The following RORA variants were observed in gnomAD, a reference collection of about 807,000 sequenced individuals.
The protein encoded by RORA is nuclear receptor ROR-alpha.
In RORA, 7 loss-of-function variants were observed where a neutral mutation model predicts 69.5. That is an observed-to-expected ratio of 0.10 (90% CI 0.06 to 0.19). RORA has a LOEUF of 0.19. RORA is among the 10% of genes least tolerant of loss of function. The pLI is 1.00. For missense variants in RORA, 457 were observed against 663.0 expected (o/e 0.69, Z 3.41); for synonymous variants, 261 against 240.8 (o/e 1.08, Z -0.78).
At chr15:60,937,137 G>T (rs781075089) in intron 1 of RORA, among the ~76,000 whole-genome samples, 1 of 152,104 alleles carries the variant, frequency 6.6e-6, no homozygotes, top group African/African-American at 2.4e-5. Context: ...TGAGGAAACC[G>T]AGGCATACAG....
intron 1 of RORA, among the ~76,000 whole-genome samples, chr15:60,826,651 A>AT (rs35007770): frequency 0.65 from 94,818 of 146,810 alleles, 30,502 homozygotes; most frequent in South Asian, 0.82. Flanking sequence ...TCTGAGTATG[A>AT]TTTTTTTTTT....
intron 1 of RORA, among the ~76,000 whole-genome samples, chr15:60,804,557 A>G (rs921849926): frequency 1.3e-5 from 2 of 152,186 alleles, no homozygotes; most frequent in African/African-American, 4.8e-5. Flanking sequence ...TGCTGAAATG[A>G]GCAAGTTCGT....
chr15:60,709,041 T>C (rs959381306), intron 1 of RORA, among the ~76,000 whole-genome samples: 1 of 152,200 alleles, frequency 6.6e-6, no homozygotes, highest in African/African-American at 2.4e-5. Context: ...CCCATGAGCA[T>C]GGGGAAAATC....
chr15:60,697,486 A>T (rs2070921774), intron 1 of RORA, among the ~76,000 whole-genome samples: 1 of 152,228 alleles, frequency 6.6e-6, no homozygotes, highest in Admixed American at 6.5e-5. Flanking sequence ...TTAAAAGTGA[A>T]CAAAACCTCA....
chr15:60,745,442 A>C (rs1157865839), intron 1 of RORA, among the ~76,000 whole-genome samples: 1 of 152,242 alleles, frequency 6.6e-6, no homozygotes, highest in Non-Finnish European at 1.5e-5. Flanking sequence ...TGCTGAGACC[A>C]AAAACTTGGC....
chr15:60,577,164 A>G (rs1217832607), intron 2 of RORA, among the ~76,000 whole-genome samples: 1 of 152,216 alleles, frequency 6.6e-6, no homozygotes, highest in Non-Finnish European at 1.5e-5. Flanking sequence ...TTGCTCTTGA[A>G]TTCATGTTTG....
At chr15:61,087,193 T>C (rs2078638516) in intron 1 of RORA, among the ~76,000 whole-genome samples, 1 of 152,130 alleles carries the variant, frequency 6.6e-6, no homozygotes, top group African/African-American at 2.4e-5. Flanking sequence ...AGTGAGCATA[T>C]GACTTGCTTA....
At chr15:61,080,743 C>T (rs184231234) in intron 1 of RORA, among the ~76,000 whole-genome samples, 197 of 152,240 alleles carry the variant, frequency 1.3e-3, no homozygotes, top group Non-Finnish European at 2.2e-3. Flanking sequence ...ATCATTGTTG[C>T]TAGATATGGG....
intron 1 of RORA, among the ~76,000 whole-genome samples, chr15:61,173,241 A>G (rs769380736): frequency 2.6e-5 from 4 of 152,190 alleles, no homozygotes; most frequent in Admixed American, 6.5e-5. Flanking sequence ...AACTTGCTCA[A>G]GATCTTGCAG....
intron 3 of RORA, among the ~76,000 whole-genome samples, chr15:60,516,051 A>T (rs1205989809): frequency 0.5 from 9,959 of 19,776 alleles, 2,203 homozygotes; most frequent in Middle Eastern, 0.76. Flanking sequence ...ATATATTTAT[A>T]TATATTTATA....
intron 1 of RORA, among the ~76,000 whole-genome samples, chr15:61,031,579 TG>T (rs983919990): frequency 3.3e-5 from 5 of 152,104 alleles, no homozygotes; most frequent in African/African-American, 1.2e-4. Context: ...AATTGGTGGT[TG>T]GGGGAGGATA....
In RORA at chr15:60,494,183, A is replaced by AC. The variant is rs11401581; in HGVS notation, c.*3271_*3272insG. 7 of 29,916 alleles carry AC rather than the reference A, an allele frequency of 2.3e-4. No individual in the cohort carries two copies. Among genetic ancestry groups the AC allele is most frequent in the African/African-American group, 3.7e-4 (7 of 18,732 alleles). 1.9% of individuals were successfully genotyped at this position (29,916 alleles called of 1,614,324 possible). On this transcript the variant is annotated 3_prime_UTR_variant, in exon 11 of 11. Coordinates refer to ENST00000335670, the MANE Select transcript of RORA (RefSeq NM_134261.3). ...TACACGTTAAGATGCTGAACACTTTAAAAAAAATCCGTAGCTTTAACACAA... is the reference window on the plus strand; with the variant it reads ...TACACGTTAAGATGCTGAACACTTTACAAAAAAATCCGTAGCTTTAACACAA...
At chr15:60,615,369 C>G (rs2069210248) in intron 2 of RORA, among the ~76,000 whole-genome samples, 1 of 152,132 alleles carries the variant, frequency 6.6e-6, no homozygotes, top group Non-Finnish European at 1.5e-5. Flanking sequence ...GAATAACACC[C>G]CAGCCGGTAT....
chr15:61,087,248 A>G (rs1349496110), intron 1 of RORA, among the ~76,000 whole-genome samples: 2 of 152,354 alleles, frequency 1.3e-5, no homozygotes, highest in East Asian at 3.9e-4. Flanking sequence ...ACTGGTTTAA[A>G]TAACAGAAAG....
rs551263954 is a variant in RORA at position 60,739,865 on chromosome 15, C to T, written c.167-61179G>A. Among the ~76,000 whole-genome samples, 55 of 152,268 alleles carry T rather than the reference C, an allele frequency of 3.6e-4. No individual in the cohort carries two copies. In the South Asian group the frequency reaches 0.011, roughly 30 times the overall value. ...ATTTTCATGGAGGCCTTGTACTTCT[C>T]GTGCTCTTTTTCCCATGTTAACTTT... On this transcript the variant is annotated intron_variant, in intron 1 of 10. Transcript: ENST00000335670.
intron 2 of RORA, among the ~76,000 whole-genome samples, chr15:60,631,751 G>A (rs555265038): frequency 4.7e-4 from 71 of 152,308 alleles, no homozygotes; most frequent in African/African-American, 1.7e-3. Flanking sequence ...ACAGGCTCCT[G>A]GCTTACCTCA....
chr15:60,819,757 A>ACACACACACACACACACACACACACACG (rs1567202028), intron 1 of RORA, among the ~76,000 whole-genome samples: 1,054 of 59,580 alleles, frequency 0.018, 24 homozygotes, highest in African/African-American at 0.038. Context: ...ACACACACAC[A>ACACACACACACACACACACACACACACG]CACACACACA....
chr15:60,634,399 C>CTTTTTT (rs10604472), intron 2 of RORA, among the ~76,000 whole-genome samples: 3 of 142,614 alleles, frequency 2.1e-5, no homozygotes, highest in Non-Finnish European at 1.5e-5. Flanking sequence ...AGTGCTACCA[C>CTTTTTT]TTTTTTTTTT....
intron 2 of RORA, chr15:60,548,088 G>C (rs2067127252): frequency 6.6e-6 from 1 of 152,130 alleles, no homozygotes; most frequent in African/African-American, 2.4e-5. Context: ...GTCACGCTCT[G>C]AAAGAAACTA....
Sources: allele counts gnomAD v4.1 joint callset (sites outside exome capture counted in the v4.1 genomes callset), GRCh38; gene constraint gnomAD v4.1.1; transcripts MANE v1.5; gene names NCBI Gene and HGNC (gene_info 2026-07-23, HGNC 2026-07-21).